TENM2: variants seen among roughly 807,000 people sequenced by gnomAD.
The protein encoded by TENM2 is teneurin-2.
In TENM2, 52 loss-of-function variants were observed where a neutral mutation model predicts 245.2. The ratio of observed to expected loss-of-function variants is 0.21; its 90% CI spans 0.17 to 0.27. The LOEUF (loss-of-function observed/expected upper bound fraction) is 0.27. Among genes scored for constraint, TENM2 ranks in the 10% least tolerant of loss-of-function variants. The pLI is 1.00. For synonymous variants in TENM2, 1,363 were observed against 1,438.9 expected, an observed-to-expected ratio of 0.95 and a Z score of 1.19; for missense variants, 3,046 against 3,666.8, an observed-to-expected ratio of 0.83 and a Z score of 4.37.
chr5:168,178,317 G>A (rs984549794), intron 13 of TENM2, among the ~76,000 whole-genome samples: 13 of 152,230 alleles, frequency 8.5e-5, no homozygotes, highest in Admixed American at 6.5e-5. Context: ...AATGGAGGTT[G>A]ATGAGGAACA....
chr5:168,250,094 G>C (rs1472380021), intron 27 of TENM2, among the ~76,000 whole-genome samples: 2 of 151,570 alleles, frequency 1.3e-5, no homozygotes, highest in African/African-American at 2.4e-5. Flanking sequence ...ATGGCTGGCT[G>C]GCTGGATGAG....
intron 4 of TENM2, among the ~76,000 whole-genome samples, chr5:167,987,332 CTTT>C (rs199696701): frequency 7.0e-6 from 1 of 143,134 alleles, no homozygotes; most frequent in Non-Finnish European, 1.5e-5. Flanking sequence ...TCTTCGCTTC[CTTT>C]TTTTTTTTTT....
intron 2 of TENM2, among the ~76,000 whole-genome samples, chr5:167,435,239 C>T (rs1007733818): frequency 1.3e-5 from 2 of 152,130 alleles, no homozygotes; most frequent in African/African-American, 2.4e-5. Context: ...TTAGCTGTGT[C>T]CCCACCCAAG....
At chr5:167,660,619 A>AG (rs1337547728) in intron 2 of TENM2, 3 of 152,022 alleles carry the variant, frequency 2.0e-5, no homozygotes, top group Non-Finnish European at 4.4e-5. Flanking sequence ...CTAAGAAGTC[A>AG]GAAAAAAAAA....
At chr5:167,772,795 T>C (rs1180725334) in intron 2 of TENM2, among the ~76,000 whole-genome samples, 1 of 152,216 alleles carries the variant, frequency 6.6e-6, no homozygotes, top group African/African-American at 2.4e-5. Flanking sequence ...CAGTTTTCCA[T>C]ATGTTTAACC....
chr5:167,609,777 A>G (rs1777349047), intron 2 of TENM2, among the ~76,000 whole-genome samples: 1 of 152,026 alleles, frequency 6.6e-6, no homozygotes. Flanking sequence ...TGTTTTTCCT[A>G]CTCTCACATG....
At position 168,211,603 on chromosome 5, in the gene TENM2, AG is replaced by A. The variant is rs1762807640; in HGVS notation, c.3825-127del. 3.0e-5 allele frequency: 18 copies of A among 601,968 alleles called. No homozygotes were observed. In the South Asian group the frequency reaches 3.4e-4, roughly 11 times the overall value. 37.3% of individuals were successfully genotyped at this position (601,968 alleles called of 1,614,324 possible). A position where few individuals can be genotyped will look rare whatever the true frequency, so the allele number is the denominator to read the frequency against. On this transcript the variant is annotated intron_variant, in intron 19 of 28. Transcript: ENST00000518659. ...TATTGAGCCAGGAGTTGTCAGTTAC[AG>A]GGGAAAAAAGAAAAAGACTGCCTTT...
chr5:168,170,532 C>T (rs1177102207), intron 13 of TENM2, among the ~76,000 whole-genome samples: 1 of 150,962 alleles, frequency 6.6e-6, no homozygotes, highest in Non-Finnish European at 1.5e-5. Flanking sequence ...GAGAGAAAGA[C>T]AGGAGGGAGG....
intron 7 of TENM2, among the ~76,000 whole-genome samples, chr5:168,073,675 G>A (rs1358622721): frequency 6.6e-6 from 1 of 152,180 alleles, no homozygotes; most frequent in Non-Finnish European, 1.5e-5. Flanking sequence ...CAAGCTATGG[G>A]TTACCCTTCT....
intron 2 of TENM2, among the ~76,000 whole-genome samples, chr5:167,475,668 G>T (rs1387593532): frequency 1.3e-5 from 2 of 151,814 alleles, no homozygotes; most frequent in African/African-American, 4.8e-5. Context: ...CCCACAACTG[G>T]CCCCAGTGTG....
intron 4 of TENM2, among the ~76,000 whole-genome samples, chr5:167,957,183 T>C (rs1433296349): frequency 1.3e-5 from 2 of 152,188 alleles, no homozygotes; most frequent in African/African-American, 4.8e-5. Context: ...GGATTCGACT[T>C]CTTCCTGGTT....
At chr5:167,084,327 T>TTTTATATATATATATATATA in the TENM2 span, among the ~76,000 whole-genome samples, 6 of 23,170 alleles carry the variant, frequency 2.6e-4, no homozygotes, top group Non-Finnish European at 6.2e-4. Flanking sequence ...GCCATTTTAG[T>TTTTATATATATATATATATA]TATATATATA....
chr5:168,055,612 G>T (rs969859173), intron 6 of TENM2, among the ~76,000 whole-genome samples: 7 of 152,140 alleles, frequency 4.6e-5, no homozygotes, highest in African/African-American at 1.7e-4. Context: ...TCCACCCATT[G>T]GCCCTCTTTC....
chr5:167,107,065 C>T, the TENM2 span, among the ~76,000 whole-genome samples: 17 of 141,488 alleles, frequency 1.2e-4, no homozygotes, highest in African/African-American at 4.0e-4. Context: ...GGCAGCATGG[C>T]GAAACCCCAT....
chr5:167,604,292 G>A (rs1011969503), intron 2 of TENM2, among the ~76,000 whole-genome samples: 4 of 152,138 alleles, frequency 2.6e-5, no homozygotes, highest in Non-Finnish European at 5.9e-5. Flanking sequence ...ACTGCAGCAC[G>A]TAAAATAGCA....
the TENM2 span, among the ~76,000 whole-genome samples, chr5:167,084,477 G>A: frequency 1.3e-5 from 2 of 150,298 alleles, no homozygotes; most frequent in Admixed American, 1.3e-4. Flanking sequence ...AATACATTCT[G>A]GAACTTAATA....
At chr5:167,542,070 T>G (rs1287812082) in intron 2 of TENM2, among the ~76,000 whole-genome samples, 4 of 152,102 alleles carry the variant, frequency 2.6e-5, no homozygotes, top group African/African-American at 9.7e-5. Flanking sequence ...CAAGTTGTAT[T>G]CAGAGAAGGG....
chr5:167,087,536 A>G, the TENM2 span, among the ~76,000 whole-genome samples: 15 of 152,340 alleles, frequency 9.8e-5, no homozygotes, highest in Middle Eastern at 3.4e-3. Flanking sequence ...AGAGAGCAGG[A>G]ACTTCCTCTG....
intron 2 of TENM2, among the ~76,000 whole-genome samples, chr5:167,688,169 G>A (rs1757199610): frequency 6.6e-6 from 1 of 152,166 alleles, no homozygotes; most frequent in Non-Finnish European, 1.5e-5. Context: ...TTGTTCTCAG[G>A]AAGACTGGTT....
Sources: gnomAD v4.1 joint callset for allele counts (sites outside exome capture counted in the v4.1 genomes callset) on GRCh38, gnomAD v4.1.1 for gene constraint, MANE v1.5 for transcripts, NCBI Gene and HGNC (gene_info 2026-07-23, HGNC 2026-07-21) for gene names.